The following STEAP1B variants were observed in gnomAD, a reference collection of about 807,000 sequenced individuals.
STEAP1B encodes STEAP family protein MGC87042.
A neutral mutation model predicts 27.9 loss-of-function variants in STEAP1B; 13 were observed. The ratio of observed to expected loss-of-function variants is 0.47; its 90% CI spans 0.30 to 0.74. STEAP1B has a LOEUF of 0.74. Among genes scored for constraint, STEAP1B ranks in the 30% least tolerant of loss-of-function variants. STEAP1B has a pLI of 0.06. For synonymous variants in STEAP1B, 86 were observed against 107.1 expected (o/e 0.80, Z 1.22); for missense variants, 250 against 298.7 (o/e 0.84, Z 1.20).
intron 4 of STEAP1B, among the ~76,000 whole-genome samples, chr7:22,475,111 G>A (rs1218453185): frequency 6.6e-6 from 1 of 152,182 alleles, no homozygotes; most frequent in Non-Finnish European, 1.5e-5. Flanking sequence ...CAGGCTTGAA[G>A]GCAGGGGTTC....
intron 4 of STEAP1B, among the ~76,000 whole-genome samples, chr7:22,458,640 T>C (rs939752020): frequency 6.6e-5 from 10 of 151,984 alleles, no homozygotes; most frequent in African/African-American, 2.4e-4. Context: ...GGGAAAGCAT[T>C]TTGCACAAGG....
chr7:22,456,680 T>A (rs1225839760), intron 4 of STEAP1B, among the ~76,000 whole-genome samples: 1 of 151,398 alleles, frequency 6.6e-6, no homozygotes, highest in African/African-American at 2.4e-5. Context: ...ACTCCTTGAG[T>A]CATGAAAAAA....
intron 4 of STEAP1B, among the ~76,000 whole-genome samples, chr7:22,472,544 A>G (rs1297509203): frequency 2.6e-5 from 4 of 152,260 alleles, no homozygotes; most frequent in African/African-American, 9.6e-5. Flanking sequence ...TTTTACGGCA[A>G]GTTGACAAGA....
At chr7:22,484,889 C>A (rs1449667554) in intron 4 of STEAP1B, among the ~76,000 whole-genome samples, 1 of 152,136 alleles carries the variant, frequency 6.6e-6, no homozygotes, top group Non-Finnish European at 1.5e-5. Flanking sequence ...TGGAAAAAGT[C>A]AATGCAGATG....
At chr7:22,449,369 T>A (rs979107918) in intron 4 of STEAP1B, among the ~76,000 whole-genome samples, 10 of 152,222 alleles carry the variant, frequency 6.6e-5, no homozygotes, top group Non-Finnish European at 1.5e-4. Context: ...GATTTTCAGA[T>A]CCCACAAATA....
chr7:22,454,865 A>ATT (rs367804282), intron 4 of STEAP1B, among the ~76,000 whole-genome samples: 18 of 126,148 alleles, frequency 1.4e-4, no homozygotes, highest in African/African-American at 5.1e-4. Context: ...ATATATATAT[A>ATT]TTTTTTTTTT....
At chr7:22,496,930 A>T (rs187748269) in intron 1 of STEAP1B, among the ~76,000 whole-genome samples, 1 of 152,328 alleles carries the variant, frequency 6.6e-6, no homozygotes, top group East Asian at 1.9e-4. Flanking sequence ...CTCTTAGAAT[A>T]TTTTCCAGAT....
At chr7:22,475,018 C>T (rs1019619512) in intron 4 of STEAP1B, among the ~76,000 whole-genome samples, 3 of 152,214 alleles carry the variant, frequency 2.0e-5, no homozygotes, top group African/African-American at 7.2e-5. Context: ...AAGATCAGGT[C>T]CCTGATATCT....
chr7:22,447,556 C>T (rs1434578175), intron 4 of STEAP1B, among the ~76,000 whole-genome samples: 2 of 152,184 alleles, frequency 1.3e-5, no homozygotes, highest in Non-Finnish European at 2.9e-5. Flanking sequence ...TGTCCACAAA[C>T]ACATCATTTG....
chr7:22,464,587 T>C (rs1046360802), intron 4 of STEAP1B, among the ~76,000 whole-genome samples: 9 of 152,126 alleles, frequency 5.9e-5, no homozygotes, highest in East Asian at 3.9e-4. Context: ...TTAAGTTAAA[T>C]TGAGGTCATT....
chr7:22,429,107 T>G (rs1421711399), intron 4 of STEAP1B, among the ~76,000 whole-genome samples: 1 of 152,192 alleles, frequency 6.6e-6, no homozygotes, highest in East Asian at 1.9e-4. Context: ...ATCACTTTGG[T>G]AAACAACTCA....
intron 4 of STEAP1B, among the ~76,000 whole-genome samples, chr7:22,482,670 G>A (rs1353743426): frequency 6.6e-6 from 1 of 152,238 alleles, no homozygotes; most frequent in Admixed American, 6.5e-5. Context: ...GGCAAAGGAA[G>A]TGAGTGGATC....
intron 4 of STEAP1B, among the ~76,000 whole-genome samples, chr7:22,480,103 G>GC (rs1193999137): frequency 5.3e-5 from 8 of 152,142 alleles, no homozygotes; most frequent in African/African-American, 1.9e-4. Context: ...TAGAAAGGAA[G>GC]GTTATTGAAT....
At chr7:22,471,893 C>A (rs1321637963) in intron 4 of STEAP1B, among the ~76,000 whole-genome samples, 230 of 60,170 alleles carry the variant, frequency 3.8e-3, no homozygotes, top group Non-Finnish European at 5.4e-3. Flanking sequence ...AACCTGTCTC[C>A]AAAAAAAAAA....
Position 22,434,665 on chromosome 7 carries a change from A to C in STEAP1B, c.763-14829T>G, listed in dbSNP as rs144026631. Among the ~76,000 whole-genome samples the C allele has an allele frequency of 7.7e-3, 1,180 of 152,258 alleles. 15 individuals carry two copies. Among genetic ancestry groups the C allele is most frequent in the African/African-American group, 0.027 (1,111 of 41,546 alleles). On this transcript the variant is annotated intron_variant, in intron 4 of 4. Coordinates refer to ENST00000678116, the MANE Select transcript of STEAP1B (RefSeq NM_001382447.1). The stretch of plus-strand genomic sequence containing the variant: ...TTGAGCCCTTTCTATGCCAGACACA[A>C]CTCCAAGTCCAGAGACGGAAAGATA...
intron 4 of STEAP1B, among the ~76,000 whole-genome samples, chr7:22,436,011 G>T (rs571968088): frequency 5.3e-4 from 81 of 152,316 alleles, no homozygotes; most frequent in Admixed American, 2.3e-3. Context: ...GTGCAGACTT[G>T]TGTTGAATTC....
intron 4 of STEAP1B, among the ~76,000 whole-genome samples, chr7:22,425,367 C>G (rs1229443174): frequency 6.6e-6 from 1 of 152,164 alleles, no homozygotes; most frequent in Non-Finnish European, 1.5e-5. Context: ...TATCCATGGC[C>G]TATATTTGTT....
chr7:22,428,545 G>A (rs771021651), intron 4 of STEAP1B, among the ~76,000 whole-genome samples: 69 of 152,112 alleles, frequency 4.5e-4, no homozygotes, highest in Non-Finnish European at 6.0e-4. Context: ...TCCAACTAAC[G>A]TCATAAACCT....
At chr7:22,435,477 T>C (rs888480455) in intron 4 of STEAP1B, among the ~76,000 whole-genome samples, 59 of 152,136 alleles carry the variant, frequency 3.9e-4, no homozygotes, top group African/African-American at 1.4e-3. Flanking sequence ...TAGAATCTAA[T>C]CCAAAAGCCA....
Sources: allele counts gnomAD v4.1 joint callset (sites outside exome capture counted in the v4.1 genomes callset), GRCh38; gene constraint gnomAD v4.1.1; transcripts MANE v1.5; gene names NCBI Gene and HGNC (gene_info 2026-07-23, HGNC 2026-07-21).